Variants in CHRNA2 observed in about 807,000 individuals in gnomAD.
The protein encoded by CHRNA2 is cholinergic receptor nicotinic alpha 2 subunit.
Under a neutral mutation model 45.5 loss-of-function variants are expected in CHRNA2, and 40 were observed. The observed-to-expected ratio is 0.88, with a 90% CI of 0.68 to 1.15. The LOEUF is 1.15. Ranked by LOEUF, CHRNA2 falls within the 50% of genes most tolerant of loss-of-function variation. The probability of loss-of-function intolerance (pLI) is 0.00; values close to 1 mark genes in which losing one functional copy is unlikely to be tolerated. For missense variants in CHRNA2, 655 were observed against 701.7 expected (o/e 0.93, Z 0.75); for synonymous variants, 301 against 296.7 (o/e 1.01, Z -0.15).
At chr8:27,469,658 G>A in intron 3 of CHRNA2, 103 bp downstream of exon 3, 1 of 1,416,366 alleles carries the variant, frequency 7.1e-7, no homozygotes, top group Non-Finnish European at 9.9e-7. Context: ...CCAAGTCACT[G>A]CTGTGCGTGA....
intron 6 of CHRNA2, among the ~76,000 whole-genome samples, chr8:27,462,349 A>C (rs980023906): frequency 6.6e-6 from 1 of 152,110 alleles, no homozygotes; most frequent in Non-Finnish European, 1.5e-5. Flanking sequence ...CCGGCCTTTC[A>C]TCCTTCCCTA....
At chr8:27,464,281 G>GTA (rs1812629766) in intron 5 of CHRNA2, among the ~76,000 whole-genome samples, 2 of 151,934 alleles carry the variant, frequency 1.3e-5, no homozygotes, top group South Asian at 4.1e-4. Flanking sequence ...TGATATATAT[G>GTA]TATATATATA....
At chr8:27,472,484 C>A (rs570777942) in intron 1 of CHRNA2, among the ~76,000 whole-genome samples, 1 of 152,304 alleles carries the variant, frequency 6.6e-6, no homozygotes, top group African/African-American at 2.4e-5. Flanking sequence ...ATCCCCACAT[C>A]TTTGGGGGGT....
intron 4 of CHRNA2, among the ~76,000 whole-genome samples, chr8:27,468,163 G>C (rs1317217863): frequency 2.0e-5 from 3 of 152,200 alleles, no homozygotes; most frequent in Non-Finnish European, 4.4e-5. Flanking sequence ...AAGCTAATCA[G>C]AGGCATTGCT....
At chr8:27,478,424 G>C (rs1464644101) in intron 1 of CHRNA2, among the ~76,000 whole-genome samples, 3 of 152,218 alleles carry the variant, frequency 2.0e-5, no homozygotes, top group African/African-American at 7.2e-5. Flanking sequence ...TAAAGAACTT[G>C]AAGAACCTTG....
At chr8:27,468,086 T>C (rs1414574586) in intron 4 of CHRNA2, among the ~76,000 whole-genome samples, 1 of 152,246 alleles carries the variant, frequency 6.6e-6, no homozygotes, top group Admixed American at 6.5e-5. Flanking sequence ...CAGTAGGTTG[T>C]GTTATCCTCA....
At chr8:27,468,899 TA>T (rs1409195800) in intron 4 of CHRNA2, among the ~76,000 whole-genome samples, 2 of 152,166 alleles carry the variant, frequency 1.3e-5, no homozygotes, top group Non-Finnish European at 2.9e-5. Context: ...GTATAGGTAT[TA>T]AGCACTCAGC....
chr8:27,472,906 G>C (rs1812934502), intron 1 of CHRNA2, among the ~76,000 whole-genome samples: 1 of 152,180 alleles, frequency 6.6e-6, no homozygotes, highest in Non-Finnish European at 1.5e-5. Context: ...AGTGATATTT[G>C]CCAAACATGG....
In CHRNA2 at chr8:27,465,451, G is replaced by A. The variant is rs527955785; in HGVS notation, c.450-1458C>T. Among the ~76,000 whole-genome samples the A allele has an allele frequency of 7.2e-5, 11 of 151,770 alleles. No individual in the cohort carries two copies. The South Asian group carries it at 2.3e-3, about 32-fold the overall frequency. On this transcript the variant is annotated intron_variant, in intron 5 of 6. Coordinates refer to ENST00000407991, the MANE Select transcript of CHRNA2 (RefSeq NM_000742.4). ...CAAAAGTTAAAAAAAATTTTTTTTT[G>A]AGGCGGAATCTCACTCTGTTATCGG...
intron 1 of CHRNA2, chr8:27,475,116 A>G (rs1297694387): frequency 6.6e-6 from 1 of 152,186 alleles, no homozygotes. Flanking sequence ...ATCAACATGT[A>G]TCGGTCACTT....
At chr8:27,469,628 GAGCCATCCCCAACCCCACCCCA>G in intron 3 of CHRNA2, 111 bp downstream of exon 3, 1 of 1,165,528 alleles carries the variant, frequency 8.6e-7, no homozygotes. Context: ...GCCCTGGGAA[GAGCCATCCCCAACCCCACCCCA>G]AGTCACTGCT....
In CHRNA2 at chr8:27,467,217, A is replaced by C. The variant is rs202012980; in HGVS notation, c.449+12T>G. ...CTCCCCTCATCCCCCCAGGACCCCA[A>C]TGGCTTCCTACTTGTTGTAGAGAAC... On this transcript the variant is annotated intron_variant, in intron 5 of 6. Coordinates refer to ENST00000407991, the MANE Select transcript of CHRNA2 (RefSeq NM_000742.4). 6.2e-7 allele frequency: 1 copy of C among 1,604,130 alleles called. No individual in the cohort carries two copies. Among genetic ancestry groups the C allele is most frequent in the East Asian group, 2.2e-5 (1 of 44,814 alleles).
At position 27,463,428 on chromosome 8, in the gene CHRNA2, C is replaced by T. The variant is rs1064797343; in HGVS notation, c.1015G>A (p.Val339Ile). Reference sequence around the variant, plus strand: ...ACGGTGATGACGATGGACAGGGTGACGAAGATCATGGTGAACAGCAGGTAC... The same window carrying T: ...ACGGTGATGACGATGGACAGGGTGATGAAGATCATGGTGAACAGCAGGTAC... Reference protein sequence around the residue: ...GEYLLFTMIFVTLSIVITVFV... With the variant: ...GEYLLFTMIFITLSIVITVFV... The change falls in exon 6 of 7, where the codon GTC (valine) becomes ATC (isoleucine). Residue 339 changes from valine (V) to isoleucine (I), a missense_variant. By Grantham distance (29) the Val-to-Ile change is conservative. Around this residue, in one of 3 missense-constraint regions of CHRNA2, gnomAD observed 295 missense variants for 280.4 expected, o/e 1.05. Transcript: ENST00000407991. This position sits in a 1 kb window ranked among gnomAD's most constrained non-coding sequence, Gnocchi z 6.1. The T allele has an allele frequency of 5.6e-6, 9 of 1,614,104 alleles. No homozygotes were observed. The highest frequency in any genetic ancestry group is 1.6e-4 in the Middle Eastern group (1 of 6,062).
intron 1 of CHRNA2, among the ~76,000 whole-genome samples, chr8:27,472,326 G>A (rs1359515430): frequency 6.6e-6 from 1 of 152,316 alleles, no homozygotes; most frequent in East Asian, 1.9e-4. Context: ...CTTGTGATCG[G>A]CATTGACATT....
intron 1 of CHRNA2, chr8:27,475,299 G>C (rs975301448): frequency 1.6e-4 from 24 of 152,162 alleles, no homozygotes; most frequent in African/African-American, 5.6e-4. Flanking sequence ...AGCAACTCCG[G>C]TATCCAGCGA....
chr8:27,461,599 G>C lies in CHRNA2; in HGVS notation c.*30C>G, dbSNP rs748966513. On this transcript the variant is annotated 3_prime_UTR_variant, in exon 7 of 7. Transcript: ENST00000407991. ...CGGTCAAAAGATGGTCAGCGGGGGT[G>C]CCCTGGGAGCCAGCTCGAGGGAGGT... 9 of 1,613,860 alleles carry C rather than the reference G, an allele frequency of 5.6e-6. No homozygotes were observed. In the South Asian group the frequency reaches 9.9e-5, roughly 18 times the overall value.
chr8:27,473,549 A>T (rs577809143), intron 1 of CHRNA2, among the ~76,000 whole-genome samples: 1 of 141,036 alleles, frequency 7.1e-6, no homozygotes, highest in Non-Finnish European at 1.6e-5. Flanking sequence ...TCTACAAAAA[A>T]TTCAAAAATT....
intron 5 of CHRNA2, among the ~76,000 whole-genome samples, chr8:27,465,122 G>A (rs907843321): frequency 3.9e-5 from 6 of 152,172 alleles, no homozygotes; most frequent in Admixed American, 1.3e-4. Context: ...CAGGGGTATC[G>A]TGGGACTAGG....
At chr8:27,465,075 T>C (rs972495398) in intron 5 of CHRNA2, among the ~76,000 whole-genome samples, 2 of 152,154 alleles carry the variant, frequency 1.3e-5, no homozygotes, top group African/African-American at 4.8e-5. Flanking sequence ...CAGAGAGCCT[T>C]CCAGTAGAGG....
Sources: gnomAD v4.1 joint callset for allele counts (sites outside exome capture counted in the v4.1 genomes callset) on GRCh38, gnomAD v4.1.1 for gene constraint, gnomAD v4.1.1 regional missense constraint, Gnocchi (gnomAD v3.1) non-coding constraint, MANE v1.5 for transcripts, NCBI Gene and HGNC (gene_info 2026-07-23, HGNC 2026-07-21) for gene names.